The following CRACR2A variants were observed in gnomAD, a reference collection of about 807,000 sequenced individuals.
The protein encoded by CRACR2A is EF-hand calcium-binding domain-containing protein 4B.
A neutral mutation model predicts 90.5 loss-of-function variants in CRACR2A; 79 were observed. The observed-to-expected ratio is 0.87, with a 90% CI of 0.73 to 1.05. The LOEUF (loss-of-function observed/expected upper bound fraction) is 1.05. Ranked by LOEUF, CRACR2A falls within the 50% of genes least tolerant of loss-of-function variation. The pLI is 0.00. For missense variants in CRACR2A, 823 were observed against 897.2 expected (o/e 0.92, Z 1.06); for synonymous variants, 338 against 356.7 (o/e 0.95, Z 0.59).
chr12:3,673,317 T>C, intron 7 of CRACR2A, 129 bp downstream of exon 7: 1 of 1,133,974 alleles, frequency 8.8e-7, no homozygotes, highest in Non-Finnish European at 1.3e-6. Flanking sequence ...CAGGGCCTGG[T>C]CCCCACTTTG....
intron 2 of CRACR2A, chr12:3,728,240 A>C (rs1946302528): frequency 6.6e-6 from 1 of 152,246 alleles, no homozygotes; most frequent in African/African-American, 2.4e-5. Flanking sequence ...CTTTTGTTTC[A>C]CACAGTTTCA....
At chr12:3,671,694 T>A (rs1945245827) in intron 7 of CRACR2A, among the ~76,000 whole-genome samples, 1 of 152,194 alleles carries the variant, frequency 6.6e-6, no homozygotes, top group Non-Finnish European at 1.5e-5. Flanking sequence ...TCTGATTATA[T>A]TCAGGCTCAA....
chr12:3,743,415 T>C (rs1946560057), intron 1 of CRACR2A, among the ~76,000 whole-genome samples: 1 of 152,212 alleles, frequency 6.6e-6, no homozygotes, highest in African/African-American at 2.4e-5. Context: ...TGATACGGCG[T>C]CGGCGGCTTC....
intron 2 of CRACR2A, among the ~76,000 whole-genome samples, chr12:3,725,408 C>G (rs1452120805): frequency 6.6e-6 from 1 of 152,170 alleles, no homozygotes; most frequent in Admixed American, 6.5e-5. Context: ...ATCACTCCAG[C>G]TCTGCCTCTG....
Position 3,671,351 on chromosome 12 carries a change from T to C in CRACR2A, c.671+2095A>G, listed in dbSNP as rs570232959. Among the ~76,000 whole-genome samples the C allele has an allele frequency of 1.5e-3, 222 of 152,038 alleles. 1 individual carries two copies. The highest frequency in any genetic ancestry group is 2.8e-3 in the Admixed American group (43 of 15,252). ...AGAGAGGAGAAAGGGTGAAGTGGGG[T>C]CAGCCACTAATCTAGCCCCCTTATT... On this transcript the variant is annotated intron_variant, in intron 7 of 19. Coordinates refer to ENST00000440314, the MANE Select transcript of CRACR2A (RefSeq NM_001144958.2).
chr12:3,682,379 A>G lies in CRACR2A; in HGVS notation c.229-2030T>C, dbSNP rs547522871. Among the ~76,000 whole-genome samples, 54 of 152,312 alleles carry G rather than the reference A, an allele frequency of 3.5e-4. No homozygotes were observed. The South Asian group carries it at 0.011, about 31-fold the overall frequency. On this transcript the variant is annotated intron_variant, in intron 4 of 19. Transcript: ENST00000440314. ...AGCATGAACCAGGAGAGGCTAGTTC[A>G]CAGCTCACCTTAGGCACCATTCCTG...
chr12:3,616,750 C>G (rs1211988374), intron 19 of CRACR2A, among the ~76,000 whole-genome samples: 1 of 152,208 alleles, frequency 6.6e-6, no homozygotes, highest in Non-Finnish European at 1.5e-5. Flanking sequence ...TCTTTCCCAA[C>G]ATCATTGTTT....
chr12:3,727,383 T>G (rs1282689763), intron 2 of CRACR2A: 1 of 152,206 alleles, frequency 6.6e-6, no homozygotes, highest in African/African-American at 2.4e-5. Context: ...ATATTATTTT[T>G]AAAACAGCTT....
intron 3 of CRACR2A, among the ~76,000 whole-genome samples, chr12:3,704,643 CT>C (rs1488459718): frequency 2.6e-5 from 4 of 152,342 alleles, no homozygotes; most frequent in Non-Finnish European, 1.5e-5. Flanking sequence ...GAACCTTCTT[CT>C]GTCTCCCAGG....
intron 11 of CRACR2A, 30 bp downstream of exon 11, chr12:3,648,512 C>G (rs1300024157): frequency 1.9e-6 from 3 of 1,614,114 alleles, no homozygotes; most frequent in African/African-American, 1.3e-5. Flanking sequence ...GGGAGGTGCT[C>G]TCAGCACAGG....
intron 8 of CRACR2A, among the ~76,000 whole-genome samples, chr12:3,658,152 T>TCC (rs1944952303): frequency 6.6e-6 from 1 of 152,148 alleles, no homozygotes; most frequent in Non-Finnish European, 1.5e-5. Context: ...AGAGGGAGGC[T>TCC]GGGTCACCTA....
intron 3 of CRACR2A, among the ~76,000 whole-genome samples, chr12:3,704,997 C>T (rs1220257325): frequency 6.6e-6 from 1 of 152,138 alleles, no homozygotes; most frequent in Admixed American, 6.5e-5. Context: ...AGTGGAAGCC[C>T]TGCATGAGCT....
In CRACR2A at chr12:3,679,346, T is replaced by C. The variant is rs141304518; in HGVS notation, c.341-248A>G. The stretch of plus-strand genomic sequence containing the variant: ...ATGGCAGAATGTAAGACGGATACGG[T>C]GTCTCCTTTGTGGTTCTCAGTCCCT... On this transcript the variant is annotated intron_variant, in intron 5 of 19. Transcript: ENST00000440314. 1.9e-4 allele frequency among the ~76,000 whole-genome samples: 29 copies of C among 152,316 alleles called. No individual in the cohort carries two copies. The South Asian group carries it at 4.6e-3, about 24-fold the overall frequency.
Position 3,659,611 on chromosome 12 carries a change from C to T in CRACR2A, c.715G>A (p.Glu239Lys). The T allele has an allele frequency of 1.2e-6, 2 of 1,614,182 alleles. No individual in the cohort carries two copies. The highest frequency in any genetic ancestry group is 1.7e-6 in the Non-Finnish European group (2 of 1,180,024). Residue 239 changes from glutamate (E) to lysine (K), a missense_variant, in exon 8 of 20, where the codon GAG becomes AAG. Transcript: ENST00000440314. ...TCACTTTTGATTTGTTGTTCCATCT[C>T]CTCATAGAGATGCTGGATTTCTTCA... ...YDEEIQHLYEEMEQQIKSEKE... is the reference protein window; with the variant it reads ...YDEEIQHLYEKMEQQIKSEKE...
chr12:3,724,095 G>A (rs573636501), intron 2 of CRACR2A, among the ~76,000 whole-genome samples: 72 of 152,178 alleles, frequency 4.7e-4, no homozygotes, highest in African/African-American at 1.7e-3. Context: ...CCCAGCACCC[G>A]GCCCTAGTGC....
chr12:3,733,964 T>C, intron 1 of CRACR2A, among the ~76,000 whole-genome samples: 1 of 109,478 alleles, frequency 9.1e-6, no homozygotes, highest in Non-Finnish European at 2.0e-5. Flanking sequence ...ACTGGACACA[T>C]TTTGCCTTAT....
chr12:3,698,057 T>A (rs1043698534), intron 3 of CRACR2A, among the ~76,000 whole-genome samples: 2 of 152,144 alleles, frequency 1.3e-5, no homozygotes, highest in African/African-American at 4.8e-5. Context: ...GTCTTTAAGG[T>A]CCCTTCTAGT....
At chr12:3,752,183 A>G (rs1163631227) in intron 1 of CRACR2A, among the ~76,000 whole-genome samples, 1 of 151,944 alleles carries the variant, frequency 6.6e-6, no homozygotes, top group African/African-American at 2.4e-5. Context: ...TTCCTTTGAG[A>G]CTCCTGGTGT....
intron 1 of CRACR2A, among the ~76,000 whole-genome samples, chr12:3,747,524 A>C (rs1946644996): frequency 6.6e-6 from 1 of 152,216 alleles, no homozygotes; most frequent in South Asian, 2.1e-4. Flanking sequence ...AGCTGCATCC[A>C]TTTACCAAGA....
Sources: gnomAD v4.1 joint callset for allele counts (sites outside exome capture counted in the v4.1 genomes callset) on GRCh38, gnomAD v4.1.1 for gene constraint, MANE v1.5 for transcripts, NCBI Gene and HGNC (gene_info 2026-07-23, HGNC 2026-07-21) for gene names.